The following SYNE2 variants were observed in gnomAD, a reference collection of about 807,000 sequenced individuals.
SYNE2 encodes the protein spectrin repeat containing nuclear envelope protein 2.
Under a neutral mutation model 856.3 loss-of-function variants are expected in SYNE2, and 431 were observed. That is an observed-to-expected ratio of 0.50 (90% CI 0.47 to 0.55). The LOEUF (loss-of-function observed/expected upper bound fraction) is 0.55. Ranked by LOEUF, SYNE2 falls within the 20% of genes least tolerant of loss-of-function variation. SYNE2 has a pLI of 0.00. For missense variants in SYNE2, 8,129 were observed against 8,023.2 expected, an observed-to-expected ratio of 1.01 and a Z score of -0.50; for synonymous variants, 2,923 against 2,872.3, an observed-to-expected ratio of 1.02 and a Z score of -0.56.
At chr14:64,135,041 C>T (rs2153684987) in intron 78 of SYNE2, among the ~76,000 whole-genome samples, 1 of 152,114 alleles carries the variant, frequency 6.6e-6, no homozygotes, top group East Asian at 1.9e-4. Context: ...TAACTTTTTG[C>T]GTTGTTATCA....
chr14:63,787,756 G>A (rs1887592428), intron 1 of SYNE2, among the ~76,000 whole-genome samples: 3 of 152,188 alleles, frequency 2.0e-5, no homozygotes, highest in Admixed American at 2.0e-4. Context: ...TGGGTCCATA[G>A]GCAGCCATGG....
chr14:63,890,145 C>T (rs745427989), intron 1 of SYNE2, among the ~76,000 whole-genome samples: 59 of 148,114 alleles, frequency 4.0e-4, no homozygotes, highest in Non-Finnish European at 5.9e-4. Context: ...ACTGCAGCTT[C>T]GTCCTGCTGT....
chr14:63,944,136 T>G (rs1272970988), intron 6 of SYNE2, among the ~76,000 whole-genome samples: 1 of 151,266 alleles, frequency 6.6e-6, no homozygotes, highest in Non-Finnish European at 1.5e-5. Context: ...TCACTATAAC[T>G]GCTATAAATA....
At position 64,002,196 on chromosome 14, in the gene SYNE2, G is replaced by A; in HGVS notation, c.3786+115G>A. ...AGCATAGATTAAGAGTATAAGCCATGACAGTTTTTTTTTCAGTAATTTAGA... is the reference window on the plus strand; with the variant it reads ...AGCATAGATTAAGAGTATAAGCCATAACAGTTTTTTTTTCAGTAATTTAGA... On this transcript the variant is annotated intron_variant, in intron 29 of 115. Coordinates refer to ENST00000555002, the MANE Select transcript of SYNE2 (RefSeq NM_182914.3). 5 of 954,536 alleles carry A rather than the reference G, an allele frequency of 5.2e-6. No homozygotes were observed. In the South Asian group the frequency reaches 7.4e-5, roughly 14 times the overall value. The allele number at this position is 954,536 out of a possible 1,614,324, so 59.1% of individuals were successfully genotyped here.
intron 1 of SYNE2, among the ~76,000 whole-genome samples, chr14:63,790,736 G>A (rs895953420): frequency 1.3e-5 from 2 of 152,136 alleles, no homozygotes; most frequent in African/African-American, 4.8e-5. Context: ...TTGCAGAGGT[G>A]TCTGGCTCTG....
At chr14:64,217,673 C>T (rs569722035) in intron 108 of SYNE2, among the ~76,000 whole-genome samples, 1 of 152,324 alleles carries the variant, frequency 6.6e-6, no homozygotes, top group East Asian at 1.9e-4. Flanking sequence ...TGTTCCTCAC[C>T]TGGCCGGTTT....
chr14:63,998,421 G>A (rs2096729256), intron 26 of SYNE2, 93 bp downstream of exon 26: 1 of 870,726 alleles, frequency 1.1e-6, no homozygotes, highest in African/African-American at 1.7e-5. Context: ...TTTTCATTTA[G>A]TCGTCATTTT....
chr14:64,009,396 C>T (rs906555315), intron 31 of SYNE2, among the ~76,000 whole-genome samples: 11 of 151,972 alleles, frequency 7.2e-5, no homozygotes, highest in Admixed American at 5.9e-4. Context: ...ATTAGCCAGG[C>T]ATGGTGGCAC....
At position 63,822,133 on chromosome 14, in the gene SYNE2, G is replaced by A. The variant is rs1016766827; in HGVS notation, c.-304-30368G>A. 6.6e-5 allele frequency among the ~76,000 whole-genome samples: 10 copies of A among 152,046 alleles called. No individual in the cohort carries two copies. The East Asian group carries it at 9.7e-4, about 15-fold the overall frequency. On this transcript the variant is annotated intron_variant, in intron 1 of 23. Transcript: ENST00000674003. ...TTGAACCTGGGAGGCAGAGGTTGCT[G>A]TGAGCCGAGATCACACCATTTCACT...
At chr14:64,111,296 T>C (rs2097804474) in intron 65 of SYNE2, among the ~76,000 whole-genome samples, 1 of 151,962 alleles carries the variant, frequency 6.6e-6, no homozygotes. Context: ...TACAGATTAA[T>C]ATTAATAGAT....
intron 45 of SYNE2, among the ~76,000 whole-genome samples, chr14:64,045,017 A>G (rs1171970910): frequency 6.6e-6 from 1 of 152,192 alleles, no homozygotes; most frequent in Non-Finnish European, 1.5e-5. Context: ...AATAAAATGG[A>G]GGAAAGGGTG....
At position 64,224,527 on chromosome 14, in the gene SYNE2, G is replaced by T. The variant is rs202235545; in HGVS notation, c.20449G>T (p.Val6817Leu). 14 of 1,613,946 alleles carry T rather than the reference G, an allele frequency of 8.7e-6. No homozygotes were observed. Among genetic ancestry groups the T allele is most frequent in the African/African-American group, 1.3e-5 (1 of 74,880 alleles). The stretch of plus-strand genomic sequence containing the variant: ...GGGGGACCAGCCTCCTGCAACATCC[G>T]TGCCAGCTCCCCGAGCAAAGGTAAG... ...DSGDQPPATS[V>L]PAPRAKFRAV... The change falls in exon 114 of 116, where the codon GTG becomes TTG. Residue 6817 changes from valine (V) to leucine (L), a missense_variant. Physicochemically the swap from Val to Leu is conservative, Grantham distance 32. Coordinates refer to ENST00000555002, the MANE Select transcript of SYNE2 (RefSeq NM_182914.3).
At chr14:64,056,294 A>G in intron 49 of SYNE2, 28 bp downstream of exon 49, 2 of 1,567,564 alleles carry the variant, frequency 1.3e-6, no homozygotes, top group Non-Finnish European at 8.8e-7. Context: ...GGTAATCTTT[A>G]AGAACATAAA....
At chr14:64,137,373 C>T (rs1356781185) in intron 78 of SYNE2, among the ~76,000 whole-genome samples, 1 of 152,060 alleles carries the variant, frequency 6.6e-6, no homozygotes, top group Non-Finnish European at 1.5e-5. Context: ...CCTCAGCCTC[C>T]CAAGTAGCTG....
intron 1 of SYNE2, among the ~76,000 whole-genome samples, chr14:63,888,923 C>A (rs763913064): frequency 9.1e-4 from 138 of 151,874 alleles, no homozygotes; most frequent in Non-Finnish European, 2.5e-4. Flanking sequence ...CAAAGTAGGC[C>A]GGGCGCGGTG....
intron 9 of SYNE2, among the ~76,000 whole-genome samples, chr14:63,963,008 G>A (rs1201554712): frequency 6.6e-6 from 1 of 152,140 alleles, no homozygotes; most frequent in Non-Finnish European, 1.5e-5. Flanking sequence ...CAAAATGTTC[G>A]ATATTACTTA....
At chr14:63,950,601 A>T (rs1174696774) in intron 7 of SYNE2, among the ~76,000 whole-genome samples, 3 of 152,126 alleles carry the variant, frequency 2.0e-5, no homozygotes, top group Non-Finnish European at 4.4e-5. Context: ...TATGTATATG[A>T]GTATATTAAG....
chr14:63,898,652 A>G (rs1331999197), intron 1 of SYNE2, among the ~76,000 whole-genome samples: 4 of 151,984 alleles, frequency 2.6e-5, no homozygotes, highest in Non-Finnish European at 4.4e-5. Context: ...CGATTCGCCC[A>G]CCTTGGCCTC....
rs771585228 is a variant in SYNE2, at chr14:64,029,900, T to A, written c.6720T>A (p.Ser2240=). Residue 2240 remains serine (S), a synonymous_variant, in exon 44 of 116, where the codon TCT becomes TCA. Coordinates refer to ENST00000555002, the MANE Select transcript of SYNE2 (RefSeq NM_182914.3). The part of the protein sequence containing the change: ...HESLLQQLQD[S]VQNLDGHVRE... ...GTCTGTGGCTTTATTTTTAGGATTCTGTGCAAAACTTGGACGGTCACGTTC... is the reference window on the plus strand; with the variant it reads ...GTCTGTGGCTTTATTTTTAGGATTCAGTGCAAAACTTGGACGGTCACGTTC... 9.3e-6 allele frequency: 15 copies of A among 1,613,550 alleles called. No homozygotes were observed. The highest frequency in any genetic ancestry group is 3.4e-6 in the Non-Finnish European group (4 of 1,179,778).
Sources: gnomAD v4.1 joint callset for allele counts (sites outside exome capture counted in the v4.1 genomes callset) on GRCh38, gnomAD v4.1.1 for gene constraint, MANE v1.5 for transcripts, NCBI Gene and HGNC (gene_info 2026-07-23, HGNC 2026-07-21) for gene names.